The following TRIM2 variants were observed in gnomAD, a reference collection of about 807,000 sequenced individuals.
The protein encoded by TRIM2 is tripartite motif-containing protein 2.
TRIM2 carries 20 observed loss-of-function variants against 75.2 expected under a neutral mutation model. That is an observed-to-expected ratio of 0.27 (90% CI 0.19 to 0.39). The LOEUF (loss-of-function observed/expected upper bound fraction) is 0.39. Among genes scored for constraint, TRIM2 ranks in the 10% least tolerant of loss-of-function variants. The probability of loss-of-function intolerance (pLI) is 1.00; values close to 1 mark genes in which losing one functional copy is unlikely to be tolerated. For synonymous variants in TRIM2, 373 were observed against 388.3 expected (o/e 0.96, Z 0.46); for missense variants, 660 against 990.8 (o/e 0.67, Z 4.48).
chr4:153,323,236 T>G (rs1293289583), intron 9 of TRIM2, among the ~76,000 whole-genome samples: 1 of 152,206 alleles, frequency 6.6e-6, no homozygotes, highest in Non-Finnish European at 1.5e-5. Context: ...GTCTAGAATA[T>G]TTGCTAGGTT....
intron 1 of TRIM2, among the ~76,000 whole-genome samples, chr4:153,263,756 T>G (rs1401184708): frequency 6.6e-6 from 1 of 152,240 alleles, no homozygotes; most frequent in African/African-American, 2.4e-5. Flanking sequence ...TTAGGAAATC[T>G]GAGATCAGGG....
rs1748079616 is a variant in TRIM2, at chr4:153,244,355, C to CT, written c.31-25979dup. ...CTTCTTCTTCTTCTTCTTCTTCTTCCTCTTCTTCTTCTTCTTCTTCTTCTT... is the reference window on the plus strand; with the variant it reads ...CTTCTTCTTCTTCTTCTTCTTCTTCCTTCTTCTTCTTCTTCTTCTTCTTCTT... On this transcript the variant is annotated intron_variant, in intron 1 of 11. Transcript: ENST00000338700. Among the ~76,000 whole-genome samples, 77 of 12,706 alleles carry CT rather than the reference C, an allele frequency of 6.1e-3. 19 individuals carry two copies. Among genetic ancestry groups the CT allele is most frequent in the East Asian group, 8.1e-3 (4 of 496 alleles). The allele number at this position is 12,706 out of a possible 152,430, so 8.3% of individuals were successfully genotyped here.
At chr4:153,238,525 A>G (rs1450325411) in intron 1 of TRIM2, among the ~76,000 whole-genome samples, 1 of 152,216 alleles carries the variant, frequency 6.6e-6, no homozygotes, top group Non-Finnish European at 1.5e-5. Flanking sequence ...ATCTCTGGCA[A>G]GGGAAGAAAG....
intron 6 of TRIM2, 102 bp from the exon 7 acceptor site, chr4:153,315,383 T>C (rs1767369018): frequency 1.1e-6 from 1 of 896,070 alleles, no homozygotes; most frequent in African/African-American, 1.7e-5. Context: ...TTAAAAACAA[T>C]GCATTCTCAG....
intron 3 of TRIM2, among the ~76,000 whole-genome samples, chr4:153,278,960 T>C (rs1758636867): frequency 6.6e-6 from 1 of 152,044 alleles, no homozygotes; most frequent in African/African-American, 2.4e-5. Context: ...AAAAGATAGA[T>C]GTGGAGAGAT....
chr4:153,287,659 A>G (rs778407809), intron 3 of TRIM2, among the ~76,000 whole-genome samples: 4 of 152,174 alleles, frequency 2.6e-5, no homozygotes, highest in Admixed American at 6.5e-5. Context: ...GATTTAATTC[A>G]AATTAATACC....
intron 11 of TRIM2, among the ~76,000 whole-genome samples, chr4:153,333,827 G>T (rs1057400235): frequency 1.3e-5 from 2 of 152,120 alleles, no homozygotes; most frequent in Non-Finnish European, 2.9e-5. Context: ...ATCTAGAGAT[G>T]ATTTAAAATA....
At position 153,276,023 on chromosome 4, in the gene TRIM2, G is replaced by T; in HGVS notation, c.346G>T (p.Val116Leu). The change falls in exon 3 of 12, where the codon GTG becomes TTG. Residue 116 changes from valine to leucine, a missense_variant. By Grantham distance (32) the Val-to-Leu change is conservative. Around this residue, in one of 2 missense-constraint regions of TRIM2, gnomAD observed 620 missense variants for 891.0 expected, o/e 0.70. Transcript: ENST00000338700. ...NNFFITNLMDVLQRTPGSNAE... is the reference protein window; with the variant it reads ...NNFFITNLMDLLQRTPGSNAE... ...TTTCTTCATCACAAACCTGATGGACGTGCTGCAGCGAACTCCAGGCAGCAA... is the reference window on the plus strand; with the variant it reads ...TTTCTTCATCACAAACCTGATGGACTTGCTGCAGCGAACTCCAGGCAGCAA... 4 of 1,614,190 alleles carry T rather than the reference G, an allele frequency of 2.5e-6. No individual in the cohort carries two copies. Among genetic ancestry groups the T allele is most frequent in the Non-Finnish European group, 3.4e-6 (4 of 1,180,028 alleles).
At chr4:153,326,889 G>A (rs1331915805) in intron 10 of TRIM2, among the ~76,000 whole-genome samples, 2 of 151,256 alleles carry the variant, frequency 1.3e-5, no homozygotes, top group Non-Finnish European at 2.9e-5. Context: ...GTTGAGGCAG[G>A]AGAATTGCTT....
intron 3 of TRIM2, among the ~76,000 whole-genome samples, chr4:153,285,218 C>T (rs1298614567): frequency 6.6e-6 from 1 of 152,196 alleles, no homozygotes; most frequent in Non-Finnish European, 1.5e-5. Context: ...GCTGTGTTGA[C>T]ACCCTTGTCA....
chr4:153,262,335 T>A (rs1753788640), intron 1 of TRIM2, among the ~76,000 whole-genome samples: 1 of 152,110 alleles, frequency 6.6e-6, no homozygotes, highest in South Asian at 2.1e-4. Context: ...GAGTGTTGAT[T>A]GCTTGGGTCA....
intron 1 of TRIM2, among the ~76,000 whole-genome samples, chr4:153,244,424 TTCTTC>T (rs1748428411): frequency 9.1e-6 from 1 of 110,068 alleles, no homozygotes; most frequent in Non-Finnish European, 1.9e-5. Context: ...CTTCTTCTTC[TTCTTC>T]TTCTTCTTTT....
chr4:153,328,237 T>C (rs1214301118), intron 10 of TRIM2, among the ~76,000 whole-genome samples: 1 of 152,232 alleles, frequency 6.6e-6, no homozygotes, highest in Non-Finnish European at 1.5e-5. Flanking sequence ...TTCTTACTCA[T>C]ACTTACTTGT....
chr4:153,271,240 A>G (rs1756602990), intron 2 of TRIM2, among the ~76,000 whole-genome samples: 1 of 152,164 alleles, frequency 6.6e-6, no homozygotes, highest in Non-Finnish European at 1.5e-5. Context: ...AAAGTTATGT[A>G]TCTTTCTTAA....
chr4:153,325,309 G>A (rs1579746487), intron 10 of TRIM2, among the ~76,000 whole-genome samples: 1 of 152,156 alleles, frequency 6.6e-6, no homozygotes. Context: ...GGTGCCCACC[G>A]TTGCTTTTTT....
chr4:153,241,160 A>G (rs1473884171), intron 1 of TRIM2, among the ~76,000 whole-genome samples: 2 of 152,236 alleles, frequency 1.3e-5, no homozygotes, highest in Non-Finnish European at 2.9e-5. Flanking sequence ...CTTACACCTA[A>G]CAGATCCCTT....
At chr4:153,181,791 C>T (rs1015738003) in intron 1 of TRIM2, among the ~76,000 whole-genome samples, 49 of 152,086 alleles carry the variant, frequency 3.2e-4, no homozygotes, top group Admixed American at 2.7e-3. Flanking sequence ...GTTGGGTGCC[C>T]GTTCCCTGCC....
At chr4:153,273,315 G>A (rs142346800) in intron 2 of TRIM2, among the ~76,000 whole-genome samples, 12,699 of 114,706 alleles carry the variant, frequency 0.11, 841 homozygotes, top group South Asian at 0.26. Flanking sequence ...TCGCTCTGCC[G>A]CCCGGGCTGG....
chr4:153,338,213 TTAG>T lies in TRIM2; in HGVS notation c.*3248_*3250del. The T allele has an allele frequency of 1.0e-6, 1 of 985,870 alleles. No homozygotes were observed. Among genetic ancestry groups the T allele is most frequent in the Non-Finnish European group, 1.2e-6 (1 of 829,924 alleles). The allele number at this position is 985,870 out of a possible 1,614,324, so 61.1% of individuals were successfully genotyped here. A position where few individuals can be genotyped will look rare whatever the true frequency, so the allele number is the denominator to read the frequency against. On this transcript the variant is annotated 3_prime_UTR_variant, in exon 12 of 12. Transcript: ENST00000338700. ...TACACTAGCAAGTATCTGTGAATCC[TTAG>T]CACTGACGGGTTAACAGAAATGCTT...
Sources: gnomAD v4.1 joint callset for allele counts (sites outside exome capture counted in the v4.1 genomes callset) on GRCh38, gnomAD v4.1.1 for gene constraint, gnomAD v4.1.1 regional missense constraint, MANE v1.5 for transcripts, NCBI Gene and HGNC (gene_info 2026-07-23, HGNC 2026-07-21) for gene names.